Variants in STX8 observed in about 807,000 individuals in gnomAD.
STX8 encodes syntaxin 8.
A neutral mutation model predicts 37.5 loss-of-function variants in STX8; 23 were observed. The observed-to-expected ratio is 0.61, with a 90% CI of 0.44 to 0.87. The LOEUF (loss-of-function observed/expected upper bound fraction) is 0.87. Ranked by LOEUF, STX8 falls within the 40% of genes least tolerant of loss-of-function variation. The probability of loss-of-function intolerance (pLI) is 0.00; values close to 1 mark genes in which losing one functional copy is unlikely to be tolerated. For synonymous variants in STX8, 115 were observed against 99.1 expected (o/e 1.16, Z -0.95); for missense variants, 313 against 284.7 (o/e 1.10, Z -0.71).
intron 7 of STX8, among the ~76,000 whole-genome samples, chr17:9,340,027 G>A (rs959939266): frequency 1.3e-5 from 2 of 150,788 alleles, no homozygotes; most frequent in Non-Finnish European, 2.9e-5. Context: ...ACGCAACCGC[G>A]GGATCCTCCC....
intron 7 of STX8, among the ~76,000 whole-genome samples, chr17:9,290,885 T>A (rs1011463831): frequency 6.6e-6 from 1 of 152,222 alleles, no homozygotes; most frequent in African/African-American, 2.4e-5. Flanking sequence ...GGGAGGCTCA[T>A]TCTTGTCTAA....
At chr17:9,462,639 C>T (rs1323747779) in intron 6 of STX8, among the ~76,000 whole-genome samples, 1 of 152,120 alleles carries the variant, frequency 6.6e-6, no homozygotes, top group African/African-American at 2.4e-5. Flanking sequence ...ACAAGAATTG[C>T]TTGAACCTGG....
At chr17:9,341,878 G>GGAGGTTTCCATAGGGGTA (rs2142232808) in intron 7 of STX8, among the ~76,000 whole-genome samples, 2 of 152,260 alleles carry the variant, frequency 1.3e-5, no homozygotes, top group South Asian at 4.2e-4. Context: ...GGCTATAGTG[G>GGAGGTTTCCATAGGGGTA]GAGGTTTCCA....
intron 6 of STX8, among the ~76,000 whole-genome samples, chr17:9,412,712 C>T (rs1201531372): frequency 1.3e-5 from 2 of 152,268 alleles, no homozygotes; most frequent in African/African-American, 4.8e-5. Context: ...ACTGATGTGC[C>T]CTCGACATTA....
At chr17:9,339,660 T>TAA (rs374274858) in intron 7 of STX8, among the ~76,000 whole-genome samples, 11 of 146,706 alleles carry the variant, frequency 7.5e-5, no homozygotes, top group African/African-American at 2.7e-4. Flanking sequence ...AGACACCATC[T>TAA]AAAAAAAAAA....
intron 6 of STX8, among the ~76,000 whole-genome samples, chr17:9,415,725 C>T (rs1033368960): frequency 2.6e-5 from 4 of 152,102 alleles, no homozygotes; most frequent in Non-Finnish European, 5.9e-5. Flanking sequence ...GCCAAGATTG[C>T]GCCACTGCAC....
At chr17:9,457,940 G>A (rs1385478631) in intron 6 of STX8, among the ~76,000 whole-genome samples, 1 of 152,206 alleles carries the variant, frequency 6.6e-6, no homozygotes, top group Non-Finnish European at 1.5e-5. Context: ...ATTTGGAATG[G>A]ATGTTGGAGA....
At chr17:9,252,421 G>A (rs1454711144) in intron 7 of STX8, among the ~76,000 whole-genome samples, 1 of 150,780 alleles carries the variant, frequency 6.6e-6, no homozygotes, top group Admixed American at 6.6e-5. Context: ...TCCAAACTGG[G>A]CAACAGAGCA....
Position 9,396,877 on chromosome 17 carries a change from T to C in STX8, c.542-18224A>G, listed in dbSNP as rs1024216286. The stretch of plus-strand genomic sequence containing the variant: ...GGAGATTCCAGCAATAAATGCAGAC[T>C]GTGATAAGGGCATCAAACTGCATTA... On this transcript the variant is annotated intron_variant, in intron 6 of 7. Transcript: ENST00000306357. Among the ~76,000 whole-genome samples the C allele has an allele frequency of 1.0e-3, 153 of 152,086 alleles. 4 individuals are homozygous for C. The highest frequency in any genetic ancestry group is 0.01 in the Admixed American group (153 of 15,268).
intron 4 of STX8, among the ~76,000 whole-genome samples, chr17:9,511,250 C>A (rs902273511): frequency 6.6e-6 from 1 of 152,116 alleles, no homozygotes; most frequent in African/African-American, 2.4e-5. Context: ...TTCTACCTAA[C>A]TCATGCTAAG....
At chr17:9,556,005 C>T (rs947987089) in intron 3 of STX8, among the ~76,000 whole-genome samples, 1 of 151,800 alleles carries the variant, frequency 6.6e-6, no homozygotes. Flanking sequence ...TGTGCTGTAA[C>T]AAATTACACC....
chr17:9,408,252 C>T (rs139621811), intron 6 of STX8, among the ~76,000 whole-genome samples: 22 of 152,210 alleles, frequency 1.4e-4, no homozygotes, highest in African/African-American at 4.3e-4. Flanking sequence ...GAGGAAACAG[C>T]GCTTTGGACT....
At chr17:9,350,524 T>TTTTTTG (rs541551732) in intron 7 of STX8, among the ~76,000 whole-genome samples, 1 of 152,070 alleles carries the variant, frequency 6.6e-6, no homozygotes, top group African/African-American at 2.4e-5. Flanking sequence ...AAGTGTTTTT[T>TTTTTTG]TTTTTGTTTT....
intron 1 of STX8, among the ~76,000 whole-genome samples, chr17:9,570,985 T>A (rs1170051034): frequency 1.3e-5 from 2 of 151,950 alleles, no homozygotes; most frequent in Admixed American, 1.3e-4. Context: ...GCCCGGCACA[T>A]TTGGCTGCGT....
At chr17:9,535,100 A>G (rs1451934671) in intron 4 of STX8, among the ~76,000 whole-genome samples, 1 of 152,186 alleles carries the variant, frequency 6.6e-6, no homozygotes, top group Non-Finnish European at 1.5e-5. Flanking sequence ...TAAATTCCAA[A>G]TGGATCAAAG....
chr17:9,263,463 G>C (rs1907119725), intron 7 of STX8, among the ~76,000 whole-genome samples: 1 of 152,168 alleles, frequency 6.6e-6, no homozygotes, highest in Non-Finnish European at 1.5e-5. Context: ...TGGGTAACAA[G>C]AATGAAACTC....
rs1904771320 is a variant in STX8 at position 9,505,055 on chromosome 17, T to C, written c.431A>G (p.Gln144Arg). Residue 144 changes from glutamine (Q) to arginine (R), a missense_variant, in exon 5 of 8, where the codon CAG becomes CGG. Transcript: ENST00000306357. ...TTTAGTACCTTGGATAATTTTCTGC[T>C]GCTGTTGCCGGATTTCATCAAAACC... ...GLGFDEIRQQQQKIIQEQDAG... is the reference protein window; with the variant it reads ...GLGFDEIRQQRQKIIQEQDAG... The C allele has an allele frequency of 6.2e-7, 1 of 1,612,094 alleles. No homozygotes were observed. Among genetic ancestry groups the C allele is most frequent in the Non-Finnish European group, 8.5e-7 (1 of 1,179,206 alleles).
chr17:9,423,285 GAAGT>G (rs892610451), intron 6 of STX8, among the ~76,000 whole-genome samples: 2 of 152,164 alleles, frequency 1.3e-5, no homozygotes, highest in African/African-American at 4.8e-5. Flanking sequence ...TCTGTTTTTA[GAAGT>G]AATAATGAGG....
intron 7 of STX8, among the ~76,000 whole-genome samples, chr17:9,288,766 A>G (rs1210631824): frequency 1.3e-5 from 2 of 152,062 alleles, no homozygotes; most frequent in South Asian, 2.1e-4. Flanking sequence ...CAACCAAAAA[A>G]TGAAAGACAG....
Sources: gnomAD v4.1 joint callset for allele counts (sites outside exome capture counted in the v4.1 genomes callset) on GRCh38, gnomAD v4.1.1 for gene constraint, MANE v1.5 for transcripts, NCBI Gene and HGNC (gene_info 2026-07-23, HGNC 2026-07-21) for gene names.